The following GTPBP2 variants were observed in gnomAD, a reference collection of about 807,000 sequenced individuals.
The protein encoded by GTPBP2 is GTP binding protein 2.
GTPBP2 carries 32 observed loss-of-function variants against 63.0 expected under a neutral mutation model. That is an observed-to-expected ratio of 0.51 (90% confidence interval 0.38 to 0.68). GTPBP2 has a LOEUF of 0.68. Among genes scored for constraint, GTPBP2 ranks in the 30% least tolerant of loss-of-function variants. The pLI is 0.00. For synonymous variants in GTPBP2, 310 were observed against 322.6 expected (o/e 0.96, Z 0.42); for missense variants, 492 against 796.9 (o/e 0.62, Z 4.61).
intron 11 of GTPBP2, 62 bp downstream of exon 11, chr6:43,621,941 G>A (rs1436442636): frequency 6.2e-7 from 1 of 1,601,768 alleles, no homozygotes; most frequent in African/African-American, 1.3e-5. Flanking sequence ...TTCTCTGCCA[G>A]TCTGGGGCAG....
chr6:43,629,585 C>A (rs1769765833), upstream of GTPBP2: 1 of 734,680 alleles, frequency 1.4e-6, no homozygotes, highest in Non-Finnish European at 2.4e-6. Context: ...CGCGAGGACA[C>A]CAGCGTAGAA....
upstream of GTPBP2, chr6:43,629,704 GTGCCGCCAGCCTGC>G: frequency 6.5e-7 from 1 of 1,549,064 alleles, no homozygotes. Flanking sequence ...GAGGCTACTG[GTGCCGCCAGCCTGC>G]TGGCTCCGCC....
chr6:43,622,346 C>T lies in GTPBP2; in HGVS notation c.1468-179G>A, dbSNP rs1241142875. 6.6e-6 allele frequency among the ~76,000 whole-genome samples: 1 copy of T among 152,172 alleles called. No individual in the cohort carries two copies. Among genetic ancestry groups the T allele is most frequent in the African/African-American group, 2.4e-5 (1 of 41,434 alleles). ...AGAGGGAATGAGTCTTTACCCACCT[C>T]CTACGTCCTCTAGCCCATCTAACGC... On this transcript the variant is annotated intron_variant, in intron 10 of 11. Coordinates refer to ENST00000307126, the MANE Select transcript of GTPBP2 (RefSeq NM_019096.5). The surrounding 1 kb of genome is among the most constrained non-coding windows in gnomAD (Gnocchi z 5.4).
At position 43,621,283 on chromosome 6, in the gene GTPBP2, C is replaced by T; in HGVS notation, c.*331G>A. The T allele has an allele frequency of 1.7e-6, 1 of 587,142 alleles. No homozygotes were observed. The allele number at this position is 587,142 out of a possible 1,614,324, so 36.4% of individuals were successfully genotyped here. A position where few individuals can be genotyped will look rare whatever the true frequency, so the allele number is the denominator to read the frequency against. On this transcript the variant is annotated 3_prime_UTR_variant, in exon 12 of 12. Transcript: ENST00000307126. ...GCAGAGACCACACCAGCAAAACATGCCCAGTCTTAGTAGTGGGGACGAAGA... is the reference window on the plus strand; with the variant it reads ...GCAGAGACCACACCAGCAAAACATGTCCAGTCTTAGTAGTGGGGACGAAGA...
intron 1 of GTPBP2, 74 bp from the exon 2 acceptor site, chr6:43,627,022 T>G (rs1261252166): frequency 3.8e-6 from 5 of 1,323,690 alleles, no homozygotes; most frequent in Admixed American, 4.2e-5. Flanking sequence ...TCCCACTGGG[T>G]CCAGGTAGCT....
rs756932432 is a variant in GTPBP2 at position 43,626,418 on chromosome 6, C to A, written c.214-8G>T. ...TGGATTCACCAGCTTCAACTTAGGG[C>A]AAGTGGGGTATCATAAGGTGAAATC... On this transcript the variant is annotated splice_region_variant and splice_polypyrimidine_tract_variant and intron_variant, in intron 2 of 11. Coordinates refer to ENST00000307126, the MANE Select transcript of GTPBP2 (RefSeq NM_019096.5). The surrounding 1 kb of genome is among the most constrained non-coding windows in gnomAD (Gnocchi z 4.0). 1.4e-5 allele frequency: 22 copies of A among 1,612,514 alleles called. No homozygotes were observed. Among genetic ancestry groups the A allele is most frequent in the Non-Finnish European group, 1.8e-5 (21 of 1,178,742 alleles).
At chr6:43,630,068 G>A (rs943327072), upstream of GTPBP2, among the ~76,000 whole-genome samples, 22 of 152,218 alleles carry the variant, frequency 1.4e-4, no homozygotes, top group African/African-American at 5.1e-4. Context: ...AAACGGCCAA[G>A]ACTGTAGGAG....
At chr6:43,628,647 A>T in intron 1 of GTPBP2, 2 of 929,264 alleles carry the variant, frequency 2.2e-6, no homozygotes, top group South Asian at 1.5e-5. Flanking sequence ...CCCAGGATGC[A>T]GTCTCTCTTG....
Position 43,629,110 on chromosome 6 carries a change from C to G in GTPBP2, c.53G>C (p.Gly18Ala), listed in dbSNP as rs914768686. ...LFGGCCRPGGGPAVGGTLKAR... is the reference protein window; with the variant it reads ...LFGGCCRPGGAPAVGGTLKAR... Reference sequence around the variant, plus strand: ...CTTGAGGGTTCCGCCCACGGCCGGGCCCCCTCCGGGCCGGCAGCAGCCGCC... The same window carrying G: ...CTTGAGGGTTCCGCCCACGGCCGGGGCCCCTCCGGGCCGGCAGCAGCCGCC... Residue 18 changes from glycine (G) to alanine (A), a missense_variant, in exon 1 of 12, where the codon GGC becomes GCC. Coordinates refer to ENST00000307126, the MANE Select transcript of GTPBP2 (RefSeq NM_019096.5). 2 of 1,544,368 alleles carry G rather than the reference C, an allele frequency of 1.3e-6. No individual in the cohort carries two copies. Among genetic ancestry groups the G allele is most frequent in the African/African-American group, 1.4e-5 (1 of 71,378 alleles).
At chr6:43,623,109 G>A in intron 9 of GTPBP2, 1 of 334,454 alleles carries the variant, frequency 3.0e-6, no homozygotes, top group Non-Finnish European at 5.5e-6. Flanking sequence ...CAGAGTCTTA[G>A]GCCAGCCGCG....
chr6:43,623,657 G>A (rs1243663769), intron 9 of GTPBP2, 80 bp downstream of exon 9: 6 of 1,016,558 alleles, frequency 5.9e-6, no homozygotes, highest in Non-Finnish European at 9.4e-6. Flanking sequence ...TCAATTCCAG[G>A]GTCTCCTCCT....
In GTPBP2 at chr6:43,621,766, C is replaced by T. The variant is rs778463559; in HGVS notation, c.1657G>A (p.Ala553Thr). 1 of 1,614,202 alleles carries T rather than the reference C, an allele frequency of 6.2e-7. No homozygotes were observed. Reference protein sequence around the residue: ...AKDKLRTGEKAVVRFRFLKHP... With the variant: ...AKDKLRTGEKTVVRFRFLKHP... ...TTCAGGAAGCGGAAACGTACCACTG[C>T]CTTCTCGCCTGTCCGCAGTTTGTCC... Residue 553 changes from alanine to threonine, a missense_variant, in exon 12 of 12, where the codon GCA becomes ACA. Physicochemically the swap from Ala to Thr is moderately conservative, Grantham distance 58. Around this residue, in one of 2 missense-constraint regions of GTPBP2, gnomAD observed 400 missense variants for 710.8 expected, o/e 0.56. Coordinates refer to ENST00000307126, the MANE Select transcript of GTPBP2 (RefSeq NM_019096.5).
Position 43,626,009 on chromosome 6 carries a change from T to TCACA in GTPBP2, c.399-149_399-146dup. 1.4e-6 allele frequency: 1 copy of TCACA among 738,524 alleles called. No individual in the cohort carries two copies. Among genetic ancestry groups the TCACA allele is most frequent in the Non-Finnish European group, 2.3e-6 (1 of 427,134 alleles). 45.7% of individuals were successfully genotyped at this position (738,524 alleles called of 1,614,324 possible). A position where few individuals can be genotyped will look rare whatever the true frequency, so the allele number is the denominator to read the frequency against. ...TACCACCCTCCAATCTATTCCTCATTCACAGTTCCCTTTAAAACAAATATA... is the reference window on the plus strand; with the variant it reads ...TACCACCCTCCAATCTATTCCTCATTCACACACAGTTCCCTTTAAAACAAATATA... On this transcript the variant is annotated intron_variant, in intron 3 of 11. Coordinates refer to ENST00000307126, the MANE Select transcript of GTPBP2 (RefSeq NM_019096.5). The surrounding 1 kb of genome is among the most constrained non-coding windows in gnomAD (Gnocchi z 4.0).
rs1370093754 is a variant in GTPBP2, at chr6:43,621,727, G to A, written c.1696C>T (p.Leu566=). The A allele has an allele frequency of 1.2e-6, 2 of 1,614,152 alleles. No individual in the cohort carries two copies. ...AACAGCAGTTTGGCGCCCACCTTCA[G>A]GTACTCTGGGTGTTTCAGGAAGCGG... ...RFRFLKHPEY[L]KVGAKLLFRE... The change falls in exon 12 of 12, where the codon CTG becomes TTG. Residue 566 remains leucine (L), a synonymous_variant. Transcript: ENST00000307126.
In GTPBP2 at chr6:43,629,091, G is replaced by C. The variant is rs1240424478; in HGVS notation, c.72C>G (p.Thr24=). ...TGCTGCCGGCCCCCCTAGCCTTGAG[G>C]GTTCCGCCCACGGCCGGGCCCCCTC... is the stretch of plus-strand genomic sequence containing the variant. The part of the protein sequence containing the change: ...RPGGGPAVGG[T]LKARGAGSSS... Residue 24 remains threonine, a synonymous_variant, in exon 1 of 12, where the codon ACC becomes ACG. Transcript: ENST00000307126. The C allele has an allele frequency of 5.0e-6, 8 of 1,584,540 alleles. No homozygotes were observed.
chr6:43,622,225 C>A lies in GTPBP2; in HGVS notation c.1468-58G>T. Reference sequence around the variant, plus strand: ...GCAGCTCTAACATCAGACTCTCCCTCCCCAGCCACCCCACACCCTTTATAG... The same window carrying A: ...GCAGCTCTAACATCAGACTCTCCCTACCCAGCCACCCCACACCCTTTATAG... On this transcript the variant is annotated intron_variant, in intron 10 of 11. Transcript: ENST00000307126. This position sits in a 1 kb window ranked among gnomAD's most constrained non-coding sequence, Gnocchi z 5.4. 1 of 1,425,828 alleles carries A rather than the reference C, an allele frequency of 7.0e-7. No homozygotes were observed. The highest frequency in any genetic ancestry group is 9.7e-7 in the Non-Finnish European group (1 of 1,026,162). 88.3% of individuals were successfully genotyped at this position (1,425,828 alleles called of 1,614,324 possible). A position where few individuals can be genotyped will look rare whatever the true frequency, so the allele number is the denominator to read the frequency against.
At chr6:43,623,182 G>A (rs998669338) in intron 9 of GTPBP2, 6 of 198,518 alleles carry the variant, frequency 3.0e-5, no homozygotes, top group Non-Finnish European at 6.2e-5. Context: ...CTTGAGGTCA[G>A]GAATTCAAGA....
chr6:43,625,865 C>T lies in GTPBP2; in HGVS notation c.399-1G>A. On this transcript the variant is annotated splice_acceptor_variant, in intron 3 of 11. Transcript: ENST00000307126. LOFTEE classifies it high-confidence loss of function. This position sits in a 1 kb window ranked among gnomAD's most constrained non-coding sequence, Gnocchi z 5.1. ...AAGAACGGTTATGTCTGCCCCAACC[C>T]TGTCACAGCAAGGCCACAGCTGCCA... 1 of 1,611,628 alleles carries T rather than the reference C, an allele frequency of 6.2e-7. No homozygotes were observed. Among genetic ancestry groups the T allele is most frequent in the Non-Finnish European group, 8.5e-7 (1 of 1,177,726 alleles).
Position 43,627,091 on chromosome 6 carries a change from C to T in GTPBP2, c.187-143G>A, listed in dbSNP as rs1158502347. Reference sequence around the variant, plus strand: ...GGTTAGGCAAGTGCCTGTCAAAGGTCAGTGGCAGACAAGATCCTCTATTCA... The same window carrying T: ...GGTTAGGCAAGTGCCTGTCAAAGGTTAGTGGCAGACAAGATCCTCTATTCA... On this transcript the variant is annotated intron_variant, in intron 1 of 11. Transcript: ENST00000307126. The T allele has an allele frequency of 6.7e-6, 5 of 743,220 alleles. No individual in the cohort carries two copies. In the East Asian group the frequency reaches 1.4e-4, roughly 21 times the overall value. The allele number at this position is 743,220 out of a possible 1,614,324, so 46.0% of individuals were successfully genotyped here.
Sources: gnomAD v4.1 joint callset for allele counts (sites outside exome capture counted in the v4.1 genomes callset) on GRCh38, gnomAD v4.1.1 for gene constraint, gnomAD v4.1.1 regional missense constraint, Gnocchi (gnomAD v3.1) non-coding constraint, MANE v1.5 for transcripts, NCBI Gene and HGNC (gene_info 2026-07-23, HGNC 2026-07-21) for gene names.